The following DDB1 variants were observed in gnomAD, a reference collection of about 807,000 sequenced individuals.
The protein encoded by DDB1 is DNA damage-binding protein 1.
DDB1 carries 18 observed loss-of-function variants against 133.1 expected under a neutral mutation model. The observed-to-expected ratio is 0.14, with a 90% CI of 0.09 to 0.20. The LOEUF is 0.20. DDB1 is among the 10% of genes least tolerant of loss of function. The probability of loss-of-function intolerance (pLI) is 1.00; values close to 1 mark genes in which losing one functional copy is unlikely to be tolerated. For missense variants in DDB1, 828 were observed against 1,459.2 expected, an observed-to-expected ratio of 0.57 and a Z score of 7.05; for synonymous variants, 580 against 550.5, an observed-to-expected ratio of 1.05 and a Z score of -0.75.
Position 61,309,815 on chromosome 11 carries a change from C to G in DDB1, c.2547G>C (p.Val849=). The G allele has an allele frequency of 1.2e-6, 2 of 1,613,556 alleles. No individual in the cohort carries two copies. Among genetic ancestry groups the G allele is most frequent in the Non-Finnish European group, 1.7e-6 (2 of 1,179,792 alleles). The part of the protein sequence containing the change: ...EEAEPKQGRI[V]VFQYSDGKLQ... ...ACTTACCATCCGAATACTGAAAGACCACAATGCGACCCTGCTTGGGCTCTG... is the reference window on the plus strand; with the variant it reads ...ACTTACCATCCGAATACTGAAAGACGACAATGCGACCCTGCTTGGGCTCTG... Residue 849 remains valine (V), a synonymous_variant, in exon 20 of 27, where the codon GTG becomes GTC. Coordinates refer to ENST00000301764, the MANE Select transcript of DDB1 (RefSeq NM_001923.5).
rs999191657 is a variant in DDB1, at chr11:61,313,719, T to C, written c.1862-13A>G. Reference sequence around the variant, plus strand: ...TCGCTCAACAGACCTACAGAGAGAATGACATCAGGAGAAAGGAAGAAAGAA... The same window carrying C: ...TCGCTCAACAGACCTACAGAGAGAACGACATCAGGAGAAAGGAAGAAAGAA... On this transcript the variant is annotated splice_polypyrimidine_tract_variant and intron_variant, in intron 15 of 26. Coordinates refer to ENST00000301764, the MANE Select transcript of DDB1 (RefSeq NM_001923.5). 6.3e-7 allele frequency: 1 copy of C among 1,598,628 alleles called. No homozygotes were observed. The highest frequency in any genetic ancestry group is 1.3e-5 in the African/African-American group (1 of 74,398).
At chr11:61,300,258 G>T (rs1032572031) in intron 26 of DDB1, 39 bp from the exon 27 acceptor site, 9 of 1,593,162 alleles carry the variant, frequency 5.6e-6, no homozygotes, top group African/African-American at 1.3e-5. Context: ...AGGACCAAGA[G>T]GGTGCTCTCC....
chr11:61,303,744 C>A, intron 22 of DDB1, 121 bp downstream of exon 22: 33 of 673,754 alleles, frequency 4.9e-5, no homozygotes, highest in Non-Finnish European at 5.0e-5. Flanking sequence ...TGTAGAATGT[C>A]TGCTCCGGGG....
intron 26 of DDB1, among the ~76,000 whole-genome samples, chr11:61,300,487 C>T (rs1359358864): frequency 6.6e-6 from 1 of 152,204 alleles, no homozygotes; most frequent in Non-Finnish European, 1.5e-5. Context: ...AGAATTGTGG[C>T]CATTTCTCCT....
At chr11:61,327,337 C>T (rs547454814) in intron 4 of DDB1, among the ~76,000 whole-genome samples, 2 of 151,966 alleles carry the variant, frequency 1.3e-5, no homozygotes, top group African/African-American at 4.8e-5. Context: ...GGCATGGGGG[C>T]GCGTGCCTAC....
intron 3 of DDB1, 117 bp downstream of exon 3, chr11:61,329,841 T>C: frequency 1.1e-6 from 1 of 928,436 alleles, no homozygotes; most frequent in Non-Finnish European, 1.7e-6. Context: ...AAACCCATAG[T>C]GTCTTCTCCT....
rs1269535575 is a variant in DDB1 at position 61,329,950 on chromosome 11, C to T, written c.327+8G>A. Reference sequence around the variant, plus strand: ...AAAACTTTCATTGGCCTAAAGCAGCCACCTCACCTGGACATTGCCATGGGC... The same window carrying T: ...AAAACTTTCATTGGCCTAAAGCAGCTACCTCACCTGGACATTGCCATGGGC... On this transcript the variant is annotated splice_region_variant and intron_variant, in intron 3 of 26. Transcript: ENST00000301764. 1 of 1,607,424 alleles carries T rather than the reference C, an allele frequency of 6.2e-7. No individual in the cohort carries two copies. The highest frequency in any genetic ancestry group is 8.5e-7 in the Non-Finnish European group (1 of 1,175,020).
At chr11:61,303,840 G>A (rs764598044) in intron 22 of DDB1, 25 bp downstream of exon 22, 39 of 1,612,150 alleles carry the variant, frequency 2.4e-5, no homozygotes, top group Non-Finnish European at 3.3e-5. Context: ...CAAGAAGTCT[G>A]CTCGCATCCC....
intron 11 of DDB1, 29 bp from the exon 12 acceptor site, chr11:61,316,422 C>A: frequency 6.2e-7 from 1 of 1,613,722 alleles, no homozygotes; most frequent in Non-Finnish European, 8.5e-7. Flanking sequence ...CCTGGGTCAG[C>A]CTGGGACCAG....
At chr11:61,305,932 TTAA>T (rs1433763823) in intron 21 of DDB1, among the ~76,000 whole-genome samples, 6 of 152,226 alleles carry the variant, frequency 3.9e-5, no homozygotes, top group African/African-American at 1.2e-4. Flanking sequence ...GTAAAATATC[TTAA>T]TAAGCATTTT....
chr11:61,331,746 T>C (rs1429660344), intron 1 of DDB1, 55 bp from the exon 2 acceptor site: 1 of 1,605,408 alleles, frequency 6.2e-7, no homozygotes, highest in Non-Finnish European at 8.5e-7. Context: ...TCCCATCCCT[T>C]CAAAATAATC....
Position 61,299,810 on chromosome 11 carries a change from C to T in DDB1, c.*326G>A, listed in dbSNP as rs1465183306. On this transcript the variant is annotated 3_prime_UTR_variant, in exon 27 of 27. Transcript: ENST00000301764. ...ACACACACACATACACACACACACACGCACAGCTTCCTTTCAGCCAAAGAA... is the reference window on the plus strand; with the variant it reads ...ACACACACACATACACACACACACATGCACAGCTTCCTTTCAGCCAAAGAA... 1.6e-5 allele frequency: 7 copies of T among 429,458 alleles called. No individual in the cohort carries two copies. Among genetic ancestry groups the T allele is most frequent in the African/African-American group, 8.1e-5 (4 of 49,682 alleles). 26.6% of individuals were successfully genotyped at this position (429,458 alleles called of 1,614,324 possible). A position where few individuals can be genotyped will look rare whatever the true frequency, so the allele number is the denominator to read the frequency against.
chr11:61,325,511 G>A (rs962433397), intron 6 of DDB1, 100 bp downstream of exon 6: 18 of 916,718 alleles, frequency 2.0e-5, no homozygotes, highest in Non-Finnish European at 6.7e-6. Flanking sequence ...TGTGTAACAG[G>A]CATCTGTGAA....
chr11:61,331,674 C>T lies in DDB1; in HGVS notation c.79G>A (p.Glu27Lys), dbSNP rs141900083. The change falls in exon 2 of 27, where the codon GAA (glutamate) becomes AAA (lysine). Residue 27 changes from glutamate (E) to lysine (K), a missense_variant. Physicochemically the swap from Glu to Lys is moderately conservative, Grantham distance 56. This residue lies in a region of DDB1 where 210 missense variants were observed against 344.8 expected (regional missense o/e 0.61). Transcript: ENST00000301764. ...TTGGCAATCAACAGGTTTAAGTCTTCGGCCGAAGTAAAGTGTCCTGAAAGA... is the reference window on the plus strand; with the variant it reads ...TTGGCAATCAACAGGTTTAAGTCTTTGGCCGAAGTAAAGTGTCCTGAAAGA... ...GCVTGHFTSA[E>K]DLNLLIAKNT... 5 of 1,614,026 alleles carry T rather than the reference C, an allele frequency of 3.1e-6. No individual in the cohort carries two copies. The African/African-American group carries it at 4.0e-5, about 13-fold the overall frequency.
At chr11:61,313,004 G>A (rs1187975209) in intron 16 of DDB1, among the ~76,000 whole-genome samples, 2 of 152,172 alleles carry the variant, frequency 1.3e-5, no homozygotes, top group Non-Finnish European at 2.9e-5. Context: ...TTAGAGACAA[G>A]GTTTCACCAT....
chr11:61,329,291 A>C (rs748519400), intron 4 of DDB1, 72 bp downstream of exon 4: 2 of 1,369,958 alleles, frequency 1.5e-6, no homozygotes, highest in Admixed American at 1.7e-5. Context: ...AAACCCAGAC[A>C]TGCCAGTTAG....
chr11:61,315,528 A>T (rs1395247317), intron 12 of DDB1: 1 of 152,206 alleles, frequency 6.6e-6, no homozygotes, highest in Non-Finnish European at 1.5e-5. Flanking sequence ...AGGTGGCTAA[A>T]AGGAAAACCA....
intron 21 of DDB1, 68 bp downstream of exon 21, chr11:61,308,915 T>A (rs1364509118): frequency 6.6e-7 from 1 of 1,510,280 alleles, no homozygotes; most frequent in East Asian, 2.3e-5. Context: ...CCAGACAACC[T>A]AAGAGAGACA....
At chr11:61,307,806 A>G (rs1855900912) in intron 21 of DDB1, among the ~76,000 whole-genome samples, 1 of 138,914 alleles carries the variant, frequency 7.2e-6, no homozygotes, top group East Asian at 1.9e-4. Context: ...TAAATGGCAA[A>G]GCCAAAACCC....
Sources: allele counts gnomAD v4.1 joint callset (sites outside exome capture counted in the v4.1 genomes callset), GRCh38; gene constraint gnomAD v4.1.1; regional missense constraint gnomAD v4.1.1; transcripts MANE v1.5; gene names NCBI Gene and HGNC (gene_info 2026-07-23, HGNC 2026-07-21).